OC90: variants seen among roughly 807,000 people sequenced by gnomAD.
OC90 encodes the protein otoconin-90.
A neutral mutation model predicts 47.3 loss-of-function variants in OC90; 46 were observed. The observed-to-expected ratio is 0.97, with a 90% confidence interval of 0.77 to 1.24. The LOEUF (loss-of-function observed/expected upper bound fraction) is 1.24. OC90 is among the 50% of genes most tolerant of loss of function. OC90 has a pLI of 0.00. For missense variants in OC90, 688 were observed against 583.9 expected, an observed-to-expected ratio of 1.18 and a Z score of -1.84; for synonymous variants, 271 against 219.5, an observed-to-expected ratio of 1.23 and a Z score of -2.07.
intron 5 of OC90, 133 bp downstream of exon 5, chr8:132,041,392 G>C (rs760129920): frequency 4.2e-5 from 31 of 736,282 alleles, no homozygotes; most frequent in Non-Finnish European, 4.9e-5. Context: ...CCAACTAGTA[G>C]GTAGTGGAAT....
Position 132,031,975 on chromosome 8 carries a change from A to G in OC90, c.937T>C (p.Phe313Leu), listed in dbSNP as rs1451931154. The G allele has an allele frequency of 6.2e-7, 1 of 1,613,904 alleles. No homozygotes were observed. Among genetic ancestry groups the G allele is most frequent in the African/African-American group, 1.3e-5 (1 of 74,944 alleles). ...TCCGGGCACCGGGATGTCAGACAAAAGAGCATCTCTCCAAGCTGTGGCATC... is the reference window on the plus strand; with the variant it reads ...TCCGGGCACCGGGATGTCAGACAAAGGAGCATCTCTCCAAGCTGTGGCATC... Reference protein sequence around the residue: ...QVMPQLGEMLFCLTSRCPEEF... With the variant: ...QVMPQLGEMLLCLTSRCPEEF... Residue 313 changes from phenylalanine to leucine, a missense_variant, in exon 12 of 14, where the codon TTT becomes CTT. Transcript: ENST00000254627.
intron 6 of OC90, among the ~76,000 whole-genome samples, chr8:132,039,974 A>G (rs954112761): frequency 1.3e-5 from 2 of 152,148 alleles, no homozygotes; most frequent in African/African-American, 2.4e-5. Context: ...TTTGTTTTGG[A>G]TAGCTTCAGT....
intron 2 of OC90, among the ~76,000 whole-genome samples, chr8:132,047,529 T>C (rs1823149820): frequency 1.3e-5 from 2 of 152,174 alleles, no homozygotes; most frequent in African/African-American, 2.4e-5. Context: ...ATCTGGGAGT[T>C]CCAGCGACTC....
At position 132,044,496 on chromosome 8, in the gene OC90, G is replaced by A. The variant is rs1445317534; in HGVS notation, c.113-7C>T. On this transcript the variant is annotated splice_polypyrimidine_tract_variant and splice_region_variant and intron_variant, in intron 3 of 13. Transcript: ENST00000254627. ...CCACTGAAGAAAGTGATATCTAAGT[G>A]TAAGAAAGAAAACAAATGAGAGTCT... 2 of 1,512,390 alleles carry A rather than the reference G, an allele frequency of 1.3e-6. No homozygotes were observed. Among genetic ancestry groups the A allele is most frequent in the Non-Finnish European group, 1.8e-6 (2 of 1,105,740 alleles). The allele number at this position is 1,512,390 out of a possible 1,614,324, so 93.7% of individuals were successfully genotyped here.
chr8:132,032,002 C>T lies in OC90; in HGVS notation c.910G>A (p.Val304Met), dbSNP rs754175344. The stretch of plus-strand genomic sequence containing the variant: ...AGCATCTCTCCAAGCTGTGGCATCA[C>T]CTGCATGTTGTCCCCACTTCCCAGG... ...LHLGSGDNMQVMPQLGEMLFC... is the reference protein window; with the variant it reads ...LHLGSGDNMQMMPQLGEMLFC... Residue 304 changes from valine (V) to methionine (M), a missense_variant, in exon 12 of 14, where the codon GTG becomes ATG. By Grantham distance (21) the Val-to-Met change is conservative. Coordinates refer to ENST00000254627, the MANE Select transcript of OC90 (RefSeq NM_001080399.3). 6.2e-6 allele frequency: 10 copies of T among 1,614,002 alleles called. No individual in the cohort carries two copies. Among genetic ancestry groups the T allele is most frequent in the Admixed American group, 3.3e-5 (2 of 60,034 alleles).
intron 9 of OC90, 38 bp downstream of exon 9, chr8:132,037,400 T>C: frequency 6.5e-7 from 1 of 1,541,886 alleles, no homozygotes; most frequent in Non-Finnish European, 8.8e-7. Flanking sequence ...ACTCTCATTG[T>C]GTGTCTTTGG....
intron 6 of OC90, among the ~76,000 whole-genome samples, chr8:132,040,231 C>T (rs1823033312): frequency 3.3e-5 from 5 of 152,216 alleles, no homozygotes; most frequent in Admixed American, 3.3e-4. Context: ...GGGTTCAAAC[C>T]CTGGCTTTGC....
intron 2 of OC90, among the ~76,000 whole-genome samples, chr8:132,047,364 T>C (rs1007306107): frequency 2.6e-5 from 4 of 152,244 alleles, no homozygotes. Flanking sequence ...ACTTTTCAAT[T>C]ATAAAAAAGT....
chr8:132,035,243 A>T (rs190199979), intron 9 of OC90, among the ~76,000 whole-genome samples: 5 of 152,336 alleles, frequency 3.3e-5, no homozygotes, highest in African/African-American at 9.6e-5. Context: ...ACTGAGCCTC[A>T]GTTTCTCTGT....
At chr8:132,049,533 G>A (rs992937721) in intron 2 of OC90, among the ~76,000 whole-genome samples, 9 of 152,216 alleles carry the variant, frequency 5.9e-5, no homozygotes, top group Admixed American at 2.0e-4. Context: ...ACAGGAAGGA[G>A]TGTTGATCTT....
At chr8:132,036,388 A>G (rs760180271) in intron 9 of OC90, 2 of 780,732 alleles carry the variant, frequency 2.6e-6, no homozygotes, top group Non-Finnish European at 4.8e-6. Context: ...GGAGAGAGTG[A>G]TCAGTCTGTC....
chr8:132,029,256 C>A, intron 12 of OC90, 77 bp from the exon 13 acceptor site: 1 of 1,096,572 alleles, frequency 9.1e-7, no homozygotes, highest in South Asian at 1.3e-5. Flanking sequence ...GCCTGCTTCT[C>A]CCACATACCC....
At chr8:132,047,970 T>A (rs975741353) in intron 2 of OC90, among the ~76,000 whole-genome samples, 1 of 152,208 alleles carries the variant, frequency 6.6e-6, no homozygotes, top group African/African-American at 2.4e-5. Flanking sequence ...GAGATTAGCA[T>A]CCTTCTAAAA....
chr8:132,052,143 C>T (rs1823219909), intron 2 of OC90, among the ~76,000 whole-genome samples: 1 of 152,022 alleles, frequency 6.6e-6, no homozygotes, highest in Non-Finnish European at 1.5e-5. Flanking sequence ...TTCCCTTTGC[C>T]AGGTTTGCGG....
At chr8:132,052,379 G>A (rs944694076) in intron 2 of OC90, among the ~76,000 whole-genome samples, 10 of 152,128 alleles carry the variant, frequency 6.6e-5, no homozygotes, top group Admixed American at 2.6e-4. Flanking sequence ...GAATATCTGC[G>A]GCCCACTTCA....
In OC90 at chr8:132,024,511, G is replaced by A. The variant is rs1332222086; in HGVS notation, c.1404C>T (p.Pro468=). Reference sequence around the variant, plus strand: ...TTCCATGAAGAGGCCCGATCCCCAAGGGACCCAGTGACTTCCGCAGAAACC... The same window carrying A: ...TTCCATGAAGAGGCCCGATCCCCAAAGGACCCAGTGACTTCCGCAGAAACC... ...AKRFLRKSLG[P]LGIGPLHGR is the part of the protein sequence containing the mutation. The change falls in exon 14 of 14, where the codon CCC becomes CCT. Residue 468 remains proline, a synonymous_variant. Transcript: ENST00000254627. The A allele has an allele frequency of 3.8e-6, 6 of 1,581,380 alleles. No individual in the cohort carries two copies. The highest frequency in any genetic ancestry group is 2.7e-5 in the African/African-American group (2 of 73,914).
chr8:132,032,055 GA>G lies in OC90; in HGVS notation c.860-4del. 3 of 1,613,272 alleles carry G rather than the reference GA, an allele frequency of 1.9e-6. No individual in the cohort carries two copies. Among genetic ancestry groups the G allele is most frequent in the Non-Finnish European group, 2.5e-6 (3 of 1,179,470 alleles). ...CAGGAAGGTGAATCTGTCACAGGCT[GA>G]AAGGAACAGGAATTGTCAGGAGAGC... On this transcript the variant is annotated splice_polypyrimidine_tract_variant and splice_region_variant and intron_variant, in intron 11 of 13. Coordinates refer to ENST00000254627, the MANE Select transcript of OC90 (RefSeq NM_001080399.3).
At position 132,034,771 on chromosome 8, in the gene OC90, GT is replaced by G. The variant is rs1822930704; in HGVS notation, c.733+9del. On this transcript the variant is annotated intron_variant, in intron 10 of 13. Transcript: ENST00000254627. ...CATGAACATAGGCAGGTGGAGCCCA[GT>G]AGGCTTACCTGGAGGGGACGTAGCC... 6.2e-7 allele frequency: 1 copy of G among 1,601,358 alleles called. No homozygotes were observed. Among genetic ancestry groups the G allele is most frequent in the South Asian group, 1.1e-5 (1 of 90,300 alleles).
At chr8:132,046,532 C>A (rs911214155) in intron 2 of OC90, among the ~76,000 whole-genome samples, 1 of 152,142 alleles carries the variant, frequency 6.6e-6, no homozygotes, top group Non-Finnish European at 1.5e-5. Flanking sequence ...ATACAACCAC[C>A]ACCTTCAGCC....
Sources: gnomAD v4.1 joint callset for allele counts (sites outside exome capture counted in the v4.1 genomes callset) on GRCh38, gnomAD v4.1.1 for gene constraint, MANE v1.5 for transcripts, NCBI Gene and HGNC (gene_info 2026-07-23, HGNC 2026-07-21) for gene names.